BCL6: variants seen among roughly 807,000 people sequenced by gnomAD.
The protein encoded by BCL6 is BCL6 transcription repressor.
In BCL6, 7 loss-of-function variants were observed where a neutral mutation model predicts 59.5. The ratio of observed to expected loss-of-function variants is 0.12; its 90% CI spans 0.07 to 0.22. The LOEUF is 0.22. Ranked by LOEUF, BCL6 falls within the 10% of genes least tolerant of loss-of-function variation. The pLI is 1.00. For synonymous variants in BCL6, 339 were observed against 349.7 expected, an observed-to-expected ratio of 0.97 and a Z score of 0.34; for missense variants, 685 against 939.4, an observed-to-expected ratio of 0.73 and a Z score of 3.54.
Position 187,725,403 on chromosome 3 carries a change from C to T in BCL6, c.1839+96G>A, listed in dbSNP as rs1303449741. ...CCGCTCCGCTTGCCTGCCCGCTCCA[C>T]TTGCCTGCCCACTCCTCCGCTTGCC... is the stretch of plus-strand genomic sequence containing the variant. On this transcript the variant is annotated intron_variant, in intron 8 of 9. Transcript: ENST00000406870. This position sits in a 1 kb window ranked among gnomAD's most constrained non-coding sequence, Gnocchi z 4.7. 6.4e-7 allele frequency: 1 copy of T among 1,570,724 alleles called. No homozygotes were observed. Among genetic ancestry groups the T allele is most frequent in the African/African-American group, 1.4e-5 (1 of 73,910 alleles).
chr3:187,728,580 G>GCCTCA, intron 5 of BCL6, 36 bp from the exon 6 acceptor site: 1 of 1,575,302 alleles, frequency 6.3e-7, no homozygotes, highest in South Asian at 1.2e-5. Flanking sequence ...CAGCACCTGG[G>GCCTCA]GCAGGGCCTC....
At chr3:187,744,713 C>T (rs943671027) in intron 1 of BCL6, among the ~76,000 whole-genome samples, 1 of 152,040 alleles carries the variant, frequency 6.6e-6, no homozygotes, top group African/African-American at 2.4e-5. Flanking sequence ...GGCAGCCTCC[C>T]TTTTTGCCTC....
rs1718449468 is a variant in BCL6, at chr3:187,722,114, A to G, written c.*344T>C. On this transcript the variant is annotated 3_prime_UTR_variant, in exon 10 of 10. Transcript: ENST00000406870. Reference sequence around the variant, plus strand: ...AAAGAAACATCTGTTCCCACAAAACATATACATTCCTCATTTTGCAGACTA... The same window carrying G: ...AAAGAAACATCTGTTCCCACAAAACGTATACATTCCTCATTTTGCAGACTA... 1 of 254,338 alleles carries G rather than the reference A, an allele frequency of 3.9e-6. No individual in the cohort carries two copies. Among genetic ancestry groups the G allele is most frequent in the Non-Finnish European group, 7.5e-6 (1 of 132,464 alleles). 15.8% of individuals were successfully genotyped at this position (254,338 alleles called of 1,614,324 possible).
chr3:187,744,398 C>T (rs1316985088), intron 1 of BCL6, among the ~76,000 whole-genome samples: 3 of 152,058 alleles, frequency 2.0e-5, no homozygotes, highest in East Asian at 1.9e-4. Flanking sequence ...GCGGAGGTTC[C>T]CGACTCCCTC....
At chr3:187,739,061 T>C (rs577917515) in intron 1 of BCL6, among the ~76,000 whole-genome samples, 2 of 152,286 alleles carry the variant, frequency 1.3e-5, no homozygotes, top group South Asian at 2.1e-4. Flanking sequence ...CTCCTTCCCA[T>C]TGACCTAGTT....
intron 1 of BCL6, among the ~76,000 whole-genome samples, chr3:187,744,623 T>C (rs1711800736): frequency 6.6e-6 from 1 of 151,970 alleles, no homozygotes. Flanking sequence ...ATTTTTTCCT[T>C]CCAAATCTCG....
At chr3:187,737,382 A>AAC (rs1719337098) in intron 1 of BCL6, 1 of 125,748 alleles carries the variant, frequency 8.0e-6, no homozygotes, top group Non-Finnish European at 1.8e-5. Context: ...AGAGAGAGAG[A>AAC]GAGAGAGAGA....
intron 1 of BCL6, among the ~76,000 whole-genome samples, chr3:187,745,118 A>G (rs1209735070): frequency 6.6e-6 from 1 of 152,258 alleles, no homozygotes; most frequent in Admixed American, 6.5e-5. Flanking sequence ...ACTCAAAGAC[A>G]ACAATAATAA....
Position 187,728,477 on chromosome 3 carries a change from A to G in BCL6, c.1423T>C (p.Cys475Arg), listed in dbSNP as rs1160203866. ...GGGGACTGAGAGCCGCAGGACGTGC[A>G]CTTCGGGGGGTGCATGTAGAGTGGT... ...HSPLYMHPPK[C>R]TSCGSQSPQH... Residue 475 changes from cysteine to arginine, a missense_variant, in exon 6 of 10, where the codon TGC (cysteine) becomes CGC (arginine). Cys to Arg is a radical substitution (Grantham distance 180, BLOSUM62 -3). Transcript: ENST00000406870. 23 of 1,612,046 alleles carry G rather than the reference A, an allele frequency of 1.4e-5. No individual in the cohort carries two copies. Among genetic ancestry groups the G allele is most frequent in the Non-Finnish European group, 1.9e-5 (23 of 1,179,630 alleles).
At chr3:187,731,262 C>T (rs1001142937) in intron 4 of BCL6, among the ~76,000 whole-genome samples, 1 of 152,072 alleles carries the variant, frequency 6.6e-6, no homozygotes, top group Non-Finnish European at 1.5e-5. Context: ...GGAACTAAGG[C>T]ACATATGTAA....
At chr3:187,733,811 G>A (rs1164967886) in intron 2 of BCL6, 108 bp from the exon 3 acceptor site, 1 of 1,137,394 alleles carries the variant, frequency 8.8e-7, no homozygotes, top group Non-Finnish European at 1.3e-6. Flanking sequence ...ATGCAACTCA[G>A]GTCCCTTGTA....
chr3:187,722,703 G>A (rs1451385575), intron 9 of BCL6, 102 bp from the exon 10 acceptor site: 2 of 1,476,702 alleles, frequency 1.4e-6, no homozygotes, highest in Non-Finnish European at 1.8e-6. Context: ...AGGGACTGGG[G>A]CAGCTCTTGC....
At chr3:187,722,859 A>C (rs182804576) in intron 9 of BCL6, among the ~76,000 whole-genome samples, 6 of 152,278 alleles carry the variant, frequency 3.9e-5, no homozygotes, top group Non-Finnish European at 2.9e-5. Context: ...CCTTAACTCC[A>C]CAAGTTTGAG....
chr3:187,726,944 G>C, intron 6 of BCL6, 46 bp from the exon 7 acceptor site: 14 of 1,603,694 alleles, frequency 8.7e-6, no homozygotes, highest in South Asian at 1.1e-5. Flanking sequence ...ACGAGGAAGG[G>C]AGGTAGGGCT....
Position 187,729,480 on chromosome 3 carries a change from C to T in BCL6, c.925G>A (p.Glu309Lys). 3.1e-6 allele frequency: 5 copies of T among 1,612,326 alleles called. No individual in the cohort carries two copies. The highest frequency in any genetic ancestry group is 4.2e-6 in the Non-Finnish European group (5 of 1,179,006). The stretch of plus-strand genomic sequence containing the variant: ...TCGAAATGCAGGGCAATCTCATCTT[C>T]CGAGGAGGGTCTCTCTTCTTCTTTG... ...ASKEEERPSSEDEIALHFEPP... is the reference protein window; with the variant it reads ...ASKEEERPSSKDEIALHFEPP... The change falls in exon 5 of 10, where the codon GAA (glutamate) becomes AAA (lysine). Residue 309 changes from glutamate to lysine, a missense_variant. Physicochemically the swap from Glu to Lys is moderately conservative, Grantham distance 56 (BLOSUM62 1). Coordinates refer to ENST00000406870, the MANE Select transcript of BCL6 (RefSeq NM_001706.5). The surrounding 1 kb of genome is among the most constrained non-coding windows in gnomAD (Gnocchi z 5.6).
intron 1 of BCL6, among the ~76,000 whole-genome samples, chr3:187,739,661 A>T (rs775781555): frequency 3.3e-5 from 5 of 152,302 alleles, no homozygotes; most frequent in Non-Finnish European, 7.3e-5. Flanking sequence ...GAGGAGTTGC[A>T]GAAGGGACGT....
chr3:187,742,976 G>A (rs1418635094), intron 1 of BCL6, among the ~76,000 whole-genome samples: 1 of 151,916 alleles, frequency 6.6e-6, no homozygotes, highest in Non-Finnish European at 1.5e-5. Context: ...GTAGTAAATA[G>A]TGAGCAAAAT....
intron 2 of BCL6, 41 bp from the exon 3 acceptor site, chr3:187,733,744 C>G: frequency 6.2e-7 from 1 of 1,603,092 alleles, no homozygotes; most frequent in Non-Finnish European, 8.5e-7. Flanking sequence ...CCTCCAGAAC[C>G]TGTTTCCTGC....
intron 1 of BCL6, among the ~76,000 whole-genome samples, chr3:187,744,954 C>A (rs145103853): frequency 6.6e-6 from 1 of 152,170 alleles, no homozygotes; most frequent in Admixed American, 6.5e-5. Context: ...GGCCAGACAG[C>A]CCCCAGACTA....
Sources: allele counts gnomAD v4.1 joint callset (sites outside exome capture counted in the v4.1 genomes callset), GRCh38; gene constraint gnomAD v4.1.1; non-coding constraint Gnocchi (gnomAD v3.1); transcripts MANE v1.5; gene names NCBI Gene and HGNC (gene_info 2026-07-23, HGNC 2026-07-21).